COL26A1: variants seen among roughly 807,000 people sequenced by gnomAD.
COL26A1 encodes collagen alpha-1(XXVI) chain.
In COL26A1, 41 loss-of-function variants were observed where a neutral mutation model predicts 59.3. The ratio of observed to expected loss-of-function variants is 0.69; its 90% CI spans 0.54 to 0.90. The LOEUF is 0.90. Among genes scored for constraint, COL26A1 ranks in the 40% least tolerant of loss-of-function variants. COL26A1 has a pLI of 0.00. For synonymous variants in COL26A1, 266 were observed against 256.0 expected, an observed-to-expected ratio of 1.04 and a Z score of -0.37; for missense variants, 612 against 602.3, an observed-to-expected ratio of 1.02 and a Z score of -0.17.
At chr7:101,548,837 C>T (rs897722380) in intron 8 of COL26A1, among the ~76,000 whole-genome samples, 4 of 151,966 alleles carry the variant, frequency 2.6e-5, no homozygotes, top group African/African-American at 7.3e-5. Flanking sequence ...CGGGAAAGAC[C>T]GGAGAGACGT....
intron 1 of COL26A1, among the ~76,000 whole-genome samples, chr7:101,387,915 A>G (rs932764474): frequency 6.6e-6 from 1 of 150,982 alleles, no homozygotes; most frequent in South Asian, 2.1e-4. Context: ...GACTATAGGC[A>G]TGCGCCACCA....
intron 1 of COL26A1, among the ~76,000 whole-genome samples, chr7:101,390,301 G>A (rs1419375289): frequency 6.6e-6 from 1 of 151,680 alleles, no homozygotes; most frequent in East Asian, 2.0e-4. Flanking sequence ...AATTACAGGT[G>A]TGTGCCACCT....
intron 3 of COL26A1, among the ~76,000 whole-genome samples, chr7:101,475,846 TTC>T (rs769853086): frequency 2.8e-4 from 41 of 147,274 alleles, no homozygotes; most frequent in South Asian, 8.6e-4. Flanking sequence ...CTCTCTTTCT[TTC>T]TCTCTCTCTT....
In COL26A1 at chr7:101,558,783, A is replaced by T. The variant is rs570872807; in HGVS notation, c.*1253A>T. ...ACAGCCACGGCAGCAAACTCAGAGA[A>T]TTGAAGGTGCTGGCGCCACCCTGGG... On this transcript the variant is annotated 3_prime_UTR_variant, in exon 13 of 13. Transcript: ENST00000313669. The T allele has an allele frequency of 6.6e-6, 1 of 152,258 alleles. No individual in the cohort carries two copies. The highest frequency in any genetic ancestry group is 1.9e-4 in the East Asian group (1 of 5,176). The allele number at this position is 152,258 out of a possible 1,614,324, so 9.4% of individuals were successfully genotyped here.
chr7:101,472,922 A>T (rs1487329774), intron 3 of COL26A1, among the ~76,000 whole-genome samples: 1 of 151,322 alleles, frequency 6.6e-6, no homozygotes, highest in Non-Finnish European at 1.5e-5. Flanking sequence ...GGAATGTTCC[A>T]GAATCCCTGA....
At chr7:101,528,384 G>C (rs1426921695) in intron 3 of COL26A1, among the ~76,000 whole-genome samples, 2 of 152,090 alleles carry the variant, frequency 1.3e-5, no homozygotes, top group African/African-American at 4.8e-5. Flanking sequence ...AGAGTTCCTG[G>C]ACAGGCCAGG....
At chr7:101,494,401 A>G (rs1368563785) in intron 3 of COL26A1, among the ~76,000 whole-genome samples, 1 of 152,218 alleles carries the variant, frequency 6.6e-6, no homozygotes, top group East Asian at 1.9e-4. Flanking sequence ...TGCAGGGATT[A>G]CAGATGTGAG....
chr7:101,468,515 C>T (rs898501758), intron 3 of COL26A1, among the ~76,000 whole-genome samples: 7 of 152,132 alleles, frequency 4.6e-5, no homozygotes, highest in Non-Finnish European at 8.8e-5. Context: ...TCTCTGCTCC[C>T]CGAGGCAGGG....
chr7:101,543,957 G>T, intron 5 of COL26A1, 41 bp from the exon 6 acceptor site: 3 of 1,426,202 alleles, frequency 2.1e-6, no homozygotes, highest in Non-Finnish European at 2.9e-6. Flanking sequence ...GGAGGCTGGG[G>T]GTCCACCATG....
intron 1 of COL26A1, among the ~76,000 whole-genome samples, 154 bp downstream of exon 1, chr7:101,363,344 A>T (rs1034394030): frequency 7.9e-6 from 1 of 127,312 alleles, no homozygotes; most frequent in Non-Finnish European, 1.6e-5. Context: ...GGGGCTGCAG[A>T]CACCGGGCAG....
chr7:101,472,675 G>A (rs568587383), intron 3 of COL26A1, among the ~76,000 whole-genome samples: 2 of 152,304 alleles, frequency 1.3e-5, no homozygotes, highest in East Asian at 1.9e-4. Context: ...CTGGGATGAG[G>A]ACAGCCCTTC....
intron 3 of COL26A1, among the ~76,000 whole-genome samples, chr7:101,510,556 C>T (rs1794900594): frequency 6.6e-6 from 1 of 152,158 alleles, no homozygotes; most frequent in South Asian, 2.1e-4. Context: ...CAGGGCGAGC[C>T]TGGGGCTTGG....
chr7:101,452,371 G>C (rs529295641), intron 3 of COL26A1, among the ~76,000 whole-genome samples: 109 of 152,278 alleles, frequency 7.2e-4, no homozygotes, highest in African/African-American at 2.5e-3. Context: ...AGAAGTGAAG[G>C]GGGGTGACTG....
At chr7:101,548,637 A>T (rs914315353) in intron 8 of COL26A1, among the ~76,000 whole-genome samples, 4 of 136,768 alleles carry the variant, frequency 2.9e-5, no homozygotes, top group Admixed American at 2.2e-4. Context: ...TTTAGCAGAG[A>T]CGCCAGGAGG....
chr7:101,475,892 CTT>C (rs1563000215), intron 3 of COL26A1, among the ~76,000 whole-genome samples: 28 of 141,436 alleles, frequency 2.0e-4, no homozygotes, highest in African/African-American at 4.5e-4. Context: ...CTCTCTCTTT[CTT>C]TCTCTCTCTT....
chr7:101,413,809 C>T (rs1273145548), intron 1 of COL26A1, among the ~76,000 whole-genome samples: 1 of 152,146 alleles, frequency 6.6e-6, no homozygotes, highest in Non-Finnish European at 1.5e-5. Context: ...TGCCATGTCC[C>T]AGTTCTGTCC....
chr7:101,385,250 T>TATATAC (rs1554403690), intron 1 of COL26A1, among the ~76,000 whole-genome samples: 3 of 147,766 alleles, frequency 2.0e-5, no homozygotes, highest in Admixed American at 6.8e-5. Context: ...TATATATATA[T>TATATAC]ACACACACAC....
chr7:101,557,177 G>A (rs976141462), intron 12 of COL26A1, among the ~76,000 whole-genome samples, 193 bp from the exon 13 acceptor site: 5 of 152,170 alleles, frequency 3.3e-5, no homozygotes, highest in Non-Finnish European at 7.4e-5. Flanking sequence ...AGGTGGATGG[G>A]TGAATGAGTG....
At chr7:101,400,853 C>A (rs925758016) in intron 1 of COL26A1, among the ~76,000 whole-genome samples, 10 of 152,136 alleles carry the variant, frequency 6.6e-5, no homozygotes, top group African/African-American at 2.4e-4. Context: ...GCCACTGCGC[C>A]CGACCCACAC....
Sources: gnomAD v4.1 joint callset for allele counts (sites outside exome capture counted in the v4.1 genomes callset) on GRCh38, gnomAD v4.1.1 for gene constraint, MANE v1.5 for transcripts, NCBI Gene and HGNC (gene_info 2026-07-23, HGNC 2026-07-21) for gene names.